Variants in PDZRN4 observed in about 807,000 individuals in gnomAD.
PDZRN4 encodes PDZ domain containing ring finger 4.
A neutral mutation model predicts 99.0 loss-of-function variants in PDZRN4; 70 were observed. The ratio of observed to expected loss-of-function variants is 0.71; its 90% CI spans 0.58 to 0.86. PDZRN4 has a LOEUF of 0.86. PDZRN4 is among the 40% of genes least tolerant of loss of function. The pLI, the probability that PDZRN4 is intolerant of heterozygous loss-of-function variation, is 0.00. For synonymous variants in PDZRN4, 551 were observed against 501.6 expected, an observed-to-expected ratio of 1.10 and a Z score of -1.32; for missense variants, 1,474 against 1,331.2, an observed-to-expected ratio of 1.11 and a Z score of -1.67.
chr12:41,466,754 T>TG (rs1296594439), intron 3 of PDZRN4, among the ~76,000 whole-genome samples: 1 of 150,954 alleles, frequency 6.6e-6, no homozygotes, highest in Non-Finnish European at 1.5e-5. Flanking sequence ...TTCCAGTGTT[T>TG]TTTTTTTTTT....
chr12:41,215,136 C>A (rs929328253), intron 3 of PDZRN4, among the ~76,000 whole-genome samples: 3 of 152,054 alleles, frequency 2.0e-5, no homozygotes, highest in Admixed American at 1.3e-4. Context: ...AAATGTTCCA[C>A]ATCTCACCAA....
chr12:41,248,876 T>C (rs1338925257), intron 3 of PDZRN4, among the ~76,000 whole-genome samples: 1 of 152,180 alleles, frequency 6.6e-6, no homozygotes, highest in East Asian at 1.9e-4. Context: ...GAGTAATTTA[T>C]ATAATGTCAT....
At chr12:41,259,814 T>A (rs1374532666) in intron 3 of PDZRN4, among the ~76,000 whole-genome samples, 2 of 152,156 alleles carry the variant, frequency 1.3e-5, no homozygotes, top group Non-Finnish European at 2.9e-5. Context: ...CTCTTTTAGA[T>A]ATCTTCATTG....
intron 3 of PDZRN4, among the ~76,000 whole-genome samples, chr12:41,443,224 G>A (rs563511973): frequency 6.6e-6 from 1 of 152,244 alleles, no homozygotes; most frequent in African/African-American, 2.4e-5. Flanking sequence ...TGAGTCAACA[G>A]AGATATTGAC....
At chr12:41,453,282 A>G (rs1952790104) in intron 3 of PDZRN4, among the ~76,000 whole-genome samples, 1 of 152,124 alleles carries the variant, frequency 6.6e-6, no homozygotes, top group Non-Finnish European at 1.5e-5. Context: ...TCATCTTGTA[A>G]TATGCAGACA....
intron 3 of PDZRN4, among the ~76,000 whole-genome samples, chr12:41,440,029 C>T (rs569967589): frequency 6.6e-5 from 10 of 152,266 alleles, no homozygotes; most frequent in African/African-American, 2.2e-4. Context: ...GGAAAGGCAG[C>T]TCAGAGCACA....
intron 3 of PDZRN4, among the ~76,000 whole-genome samples, chr12:41,238,471 C>T (rs534498787): frequency 6.6e-6 from 1 of 152,064 alleles, no homozygotes; most frequent in East Asian, 1.9e-4. Context: ...TGCAACCTGT[C>T]CATCTGACAA....
chr12:41,251,935 C>G lies in PDZRN4; in HGVS notation c.843+57747C>G, dbSNP rs1951173543. Among the ~76,000 whole-genome samples, 3 of 152,010 alleles carry G rather than the reference C, an allele frequency of 2.0e-5. No homozygotes were observed. The South Asian group carries it at 6.2e-4, about 31-fold the overall frequency. On this transcript the variant is annotated intron_variant, in intron 3 of 9. Transcript: ENST00000402685. ...GTTCAAGACCAGCCTAAGCAACACA[C>G]TGAAACCCTGTCTCTACAAAAAATA... is the stretch of plus-strand genomic sequence containing the variant.
intron 3 of PDZRN4, among the ~76,000 whole-genome samples, chr12:41,464,283 G>A (rs1952903952): frequency 9.3e-6 from 1 of 108,014 alleles, no homozygotes; most frequent in African/African-American, 3.1e-5. Context: ...GCTTCCTACT[G>A]TACTAGCTTT....
At chr12:41,527,691 T>C (rs557292323) in intron 5 of PDZRN4, among the ~76,000 whole-genome samples, 2 of 152,368 alleles carry the variant, frequency 1.3e-5, no homozygotes, top group East Asian at 3.9e-4. Flanking sequence ...TTGGGCAAGC[T>C]TGACATTCAG....
intron 5 of PDZRN4, among the ~76,000 whole-genome samples, chr12:41,543,548 G>A (rs937009189): frequency 2.0e-5 from 3 of 152,128 alleles, no homozygotes; most frequent in African/African-American, 7.2e-5. Context: ...AGTTTTATTG[G>A]CTCTCCTTGC....
At chr12:41,464,743 C>T (rs1902906) in intron 3 of PDZRN4, among the ~76,000 whole-genome samples, 81,215 of 151,072 alleles carry the variant, frequency 0.54, 22,749 homozygotes, top group African/African-American at 0.72. Flanking sequence ...CATTATGTGA[C>T]AACTAGAGCC....
In PDZRN4 at chr12:41,188,977, G is replaced by T; in HGVS notation, c.522G>T (p.Leu174=). ...CCTGGAGGCGGCGCGAGAAGGCGCT[G>T]CTGGCGCAGCTCTGGGCGCTGCAGG... ...VLAWRRREKA[L]LAQLWALQGE... Residue 174 remains leucine (L), a synonymous_variant, in exon 1 of 10, where the codon CTG becomes CTT. Transcript: ENST00000402685. 1.3e-6 allele frequency: 2 copies of T among 1,486,716 alleles called. No homozygotes were observed. The highest frequency in any genetic ancestry group is 2.1e-5 in the Admixed American group (1 of 46,574). The allele number at this position is 1,486,716 out of a possible 1,614,324, so 92.1% of individuals were successfully genotyped here.
intron 3 of PDZRN4, among the ~76,000 whole-genome samples, chr12:41,300,309 A>G (rs1951526449): frequency 6.6e-6 from 1 of 151,934 alleles, no homozygotes; most frequent in South Asian, 2.1e-4. Context: ...TCAGTAAGTG[A>G]TATGCCAAAG....
chr12:41,251,648 C>T (rs117245056), intron 3 of PDZRN4, among the ~76,000 whole-genome samples: 1,913 of 152,160 alleles, frequency 0.013, 55 homozygotes, highest in East Asian at 0.1. Flanking sequence ...AAATAATACA[C>T]CTTTTCCATG....
At chr12:41,297,588 G>T (rs1305199561) in intron 3 of PDZRN4, among the ~76,000 whole-genome samples, 4 of 152,116 alleles carry the variant, frequency 2.6e-5, no homozygotes, top group Non-Finnish European at 5.9e-5. Flanking sequence ...TGGCCTAAAA[G>T]GTGCTAGGAC....
At chr12:41,268,267 C>A (rs1951292112) in intron 3 of PDZRN4, among the ~76,000 whole-genome samples, 1 of 152,140 alleles carries the variant, frequency 6.6e-6, no homozygotes, top group Admixed American at 6.5e-5. Flanking sequence ...TAGCAAATTG[C>A]CAGTAATCAA....
chr12:41,276,814 C>CT (rs1457446954), intron 3 of PDZRN4, among the ~76,000 whole-genome samples: 2 of 152,234 alleles, frequency 1.3e-5, no homozygotes, highest in East Asian at 3.9e-4. Flanking sequence ...GTTAGCTACT[C>CT]TTATTATCTA....
intron 5 of PDZRN4, among the ~76,000 whole-genome samples, chr12:41,525,459 GTAATATCATGGCTGACACA>G (rs1454919193): frequency 6.6e-6 from 1 of 152,036 alleles, no homozygotes; most frequent in Non-Finnish European, 1.5e-5. Context: ...ATAAGAACAT[GTAATATCATGGCTGACACA>G]TATGTGAAAT....
Sources: gnomAD v4.1 joint callset for allele counts (sites outside exome capture counted in the v4.1 genomes callset) on GRCh38, gnomAD v4.1.1 for gene constraint, MANE v1.5 for transcripts, NCBI Gene and HGNC (gene_info 2026-07-23, HGNC 2026-07-21) for gene names.